ZFP30: variants seen among roughly 807,000 people sequenced by gnomAD.
ZFP30 encodes zinc finger protein 30 homolog.
A neutral mutation model predicts 12.3 loss-of-function variants in ZFP30; 16 were observed. That is an observed-to-expected ratio of 1.30 (90% CI 0.88 to 1.98). ZFP30 has a LOEUF of 1.98. Ranked by LOEUF, ZFP30 falls within the 30% of genes most tolerant of loss-of-function variation. ZFP30 has a pLI of 0.00. For missense variants in ZFP30, 560 were observed against 611.2 expected (o/e 0.92, Z 0.88); for synonymous variants, 172 against 201.0 (o/e 0.86, Z 1.22).
intron 5 of ZFP30, among the ~76,000 whole-genome samples, chr19:37,636,719 C>T (rs1481610121): frequency 6.9e-6 from 1 of 145,704 alleles, no homozygotes; most frequent in Non-Finnish European, 1.5e-5. Context: ...TCTTTCTTTT[C>T]TTTTTTTTTT....
At chr19:37,639,356 C>CT (rs2044391080) in intron 5 of ZFP30, among the ~76,000 whole-genome samples, 1 of 152,162 alleles carries the variant, frequency 6.6e-6, no homozygotes, top group Admixed American at 6.5e-5. Flanking sequence ...AACCAGTAAT[C>CT]TAAAAGGAAA....
rs2044380450 is a variant in ZFP30, at chr19:37,638,845, CAA to C, written c.236-2542_236-2541del. 2.0e-5 allele frequency among the ~76,000 whole-genome samples: 3 copies of C among 152,154 alleles called. No homozygotes were observed. The South Asian group carries it at 6.2e-4, about 32-fold the overall frequency. ...GTGGGGAGGAATGACCGAAAGAAGT[CAA>C]GAGGGGCTTCTGGTATCCTAGTAAA... On this transcript the variant is annotated intron_variant, in intron 5 of 5. Transcript: ENST00000684514.
At chr19:37,656,047 C>G (rs2044750682), upstream of ZFP30, 1 of 152,430 alleles carries the variant, frequency 6.6e-6, no homozygotes. Context: ...CCCAGTATCG[C>G]GAGCCTGGAC....
At chr19:37,654,490 T>C (rs1281488249) in intron 2 of ZFP30, among the ~76,000 whole-genome samples, 8 of 152,192 alleles carry the variant, frequency 5.3e-5, no homozygotes, top group African/African-American at 1.4e-4. Context: ...CACAGAGTAA[T>C]TGAATTTGCA....
intron 2 of ZFP30, among the ~76,000 whole-genome samples, chr19:37,654,241 C>T (rs1374076451): frequency 1.3e-5 from 2 of 152,116 alleles, no homozygotes; most frequent in African/African-American, 2.4e-5. Context: ...CTACACTACA[C>T]CTCCCTCAGT....
At chr19:37,647,188 C>A (rs989247844) in intron 3 of ZFP30, among the ~76,000 whole-genome samples, 1 of 152,166 alleles carries the variant, frequency 6.6e-6, no homozygotes, top group Admixed American at 6.5e-5. Context: ...AACTTCATTT[C>A]TGCCCCATCT....
intron 2 of ZFP30, among the ~76,000 whole-genome samples, chr19:37,653,117 T>C (rs182493136): frequency 9.3e-6 from 1 of 107,128 alleles, no homozygotes; most frequent in Admixed American, 1.1e-4. Flanking sequence ...AAACTCCGTC[T>C]CAAAAAAAAA....
chr19:37,642,793 C>T (rs967223993), intron 5 of ZFP30, among the ~76,000 whole-genome samples: 9 of 152,092 alleles, frequency 5.9e-5, no homozygotes, highest in Non-Finnish European at 5.9e-5. Flanking sequence ...CGGTGGCTCA[C>T]GCCTGTAATC....
At chr19:37,655,015 C>T (rs577315135) in intron 1 of ZFP30, 136 bp from the exon 2 acceptor site, 21 of 152,426 alleles carry the variant, frequency 1.4e-4, no homozygotes, top group African/African-American at 4.1e-4. Flanking sequence ...TCGGAACTGT[C>T]CAGCGTGTCC....
chr19:37,632,570 T>A lies in ZFP30; in HGVS notation c.*2411A>T, dbSNP rs190138766. 22 of 152,234 alleles carry A rather than the reference T, an allele frequency of 1.4e-4. No individual in the cohort carries two copies. The highest frequency in any genetic ancestry group is 7.7e-4 in the East Asian group (4 of 5,186). The allele number at this position is 152,234 out of a possible 1,614,324, so 9.4% of individuals were successfully genotyped here. ...TATATAAATTTTCCTATAACAATTT[T>A]AAAAACAAAAAAGTGTTATTCATTT... On this transcript the variant is annotated 3_prime_UTR_variant, in exon 6 of 6. Coordinates refer to ENST00000684514, the MANE Select transcript of ZFP30 (RefSeq NM_001320669.3).
rs1215692774 is a variant in ZFP30 at position 37,633,960 on chromosome 19, CTTAATA to C, written c.*1015_*1020del. ...GCTATTATCACACATAACAAAGTTT[CTTAATA>C]TTATCTAATATTGTCAATATTCCAT... On this transcript the variant is annotated 3_prime_UTR_variant, in exon 6 of 6. Coordinates refer to ENST00000684514, the MANE Select transcript of ZFP30 (RefSeq NM_001320669.3). The C allele has an allele frequency of 2.0e-5, 3 of 152,130 alleles. No homozygotes were observed. Among genetic ancestry groups the C allele is most frequent in the Non-Finnish European group, 2.9e-5 (2 of 68,020 alleles). 9.4% of individuals were successfully genotyped at this position (152,130 alleles called of 1,614,324 possible).
In ZFP30 at chr19:37,635,228, A is replaced by G; in HGVS notation, c.1313T>C (p.Phe438Ser). The change falls in exon 6 of 6, where the codon TTT becomes TCT. Residue 438 changes from phenylalanine (F) to serine (S), a missense_variant. Physicochemically the swap from Phe to Ser is radical, Grantham distance 155. Coordinates refer to ENST00000684514, the MANE Select transcript of ZFP30 (RefSeq NM_001320669.3). ...AGTCTTCTCACATTCCTTACACTTA[A>G]AGGGTTTCTCACCAAAATGAATACT... ...HQSIHFGEKP[F>S]KCKECEKTFR... 1.2e-6 allele frequency: 2 copies of G among 1,613,692 alleles called. No homozygotes were observed. Among genetic ancestry groups the G allele is most frequent in the South Asian group, 1.1e-5 (1 of 91,054 alleles).
intron 4 of ZFP30, among the ~76,000 whole-genome samples, chr19:37,643,822 C>T (rs1184183636): frequency 6.6e-6 from 1 of 152,064 alleles, no homozygotes; most frequent in Non-Finnish European, 1.5e-5. Flanking sequence ...CCAGGATATG[C>T]ATACAATATT....
chr19:37,644,898 C>T (rs2044510485), intron 3 of ZFP30, among the ~76,000 whole-genome samples, 162 bp from the exon 4 acceptor site: 1 of 151,882 alleles, frequency 6.6e-6, no homozygotes, highest in Non-Finnish European at 1.5e-5. Flanking sequence ...GCCTAGACAA[C>T]ATACCAAGAA....
At chr19:37,645,812 C>T (rs1019551340) in intron 3 of ZFP30, among the ~76,000 whole-genome samples, 3 of 151,708 alleles carry the variant, frequency 2.0e-5, no homozygotes, top group Admixed American at 2.0e-4. Flanking sequence ...TGTAAAATGC[C>T]TATTTTTAAA....
In ZFP30 at chr19:37,636,366, C is replaced by G. The variant is rs1439378046; in HGVS notation, c.236-61G>C. The G allele has an allele frequency of 3.3e-6, 4 of 1,209,542 alleles. No individual in the cohort carries two copies. The Admixed American group carries it at 1.3e-4, about 39-fold the overall frequency. The allele number at this position is 1,209,542 out of a possible 1,614,324, so 74.9% of individuals were successfully genotyped here. Reference sequence around the variant, plus strand: ...TCTACACAAAATAAACAAACGAAAACTTTATAATAGAAATCGGTGACCAAA... The same window carrying G: ...TCTACACAAAATAAACAAACGAAAAGTTTATAATAGAAATCGGTGACCAAA... On this transcript the variant is annotated intron_variant, in intron 5 of 5. Transcript: ENST00000684514.
chr19:37,646,744 T>A (rs2044550958), intron 3 of ZFP30, among the ~76,000 whole-genome samples: 1 of 144,386 alleles, frequency 6.9e-6, no homozygotes, highest in Non-Finnish European at 1.5e-5. Context: ...TCTGGCCAGT[T>A]TTGTTTTGTT....
chr19:37,643,127 T>C, intron 5 of ZFP30, 138 bp downstream of exon 5: 1 of 576,930 alleles, frequency 1.7e-6, no homozygotes, highest in African/African-American at 2.0e-5. Context: ...CTTTGATGGC[T>C]CATGCTGAGA....
chr19:37,646,381 G>C (rs936354774), intron 3 of ZFP30, among the ~76,000 whole-genome samples: 95 of 152,080 alleles, frequency 6.2e-4, no homozygotes, highest in African/African-American at 2.3e-3. Context: ...AATATCTAAA[G>C]CTGCTTCAAT....
Sources: gnomAD v4.1 joint callset for allele counts (sites outside exome capture counted in the v4.1 genomes callset) on GRCh38, gnomAD v4.1.1 for gene constraint, MANE v1.5 for transcripts, NCBI Gene and HGNC (gene_info 2026-07-23, HGNC 2026-07-21) for gene names.